The following NTRK2 variants were observed in gnomAD, a reference collection of about 807,000 sequenced individuals.
NTRK2 encodes BDNF/NT-3 growth factors receptor.
NTRK2 carries 13 observed loss-of-function variants against 94.5 expected under a neutral mutation model. The observed-to-expected ratio is 0.14, with a 90% CI of 0.09 to 0.22. NTRK2 has a LOEUF of 0.22. Among genes scored for constraint, NTRK2 ranks in the 10% least tolerant of loss-of-function variants. The pLI, the probability that NTRK2 is intolerant of heterozygous loss-of-function variation, is 1.00. For missense variants in NTRK2, 639 were observed against 1,071.2 expected (o/e 0.60, Z 5.63); for synonymous variants, 372 against 407.4 (o/e 0.91, Z 1.05).
chr9:84,968,877 C>T (rs756059713), intron 17 of NTRK2, among the ~76,000 whole-genome samples: 2 of 152,160 alleles, frequency 1.3e-5, no homozygotes, highest in Non-Finnish European at 2.9e-5. Context: ...TGCAAGGATG[C>T]TCTATTGAGT....
At chr9:84,719,875 T>C (rs990541932) in intron 6 of NTRK2, among the ~76,000 whole-genome samples, 1 of 151,568 alleles carries the variant, frequency 6.6e-6, no homozygotes, top group African/African-American at 2.4e-5. Context: ...AAAAAATTAG[T>C]CAGGGGTGGT....
chr9:85,008,343 A>G (rs1831192995), intron 17 of NTRK2, among the ~76,000 whole-genome samples: 1 of 151,758 alleles, frequency 6.6e-6, no homozygotes, highest in Non-Finnish European at 1.5e-5. Flanking sequence ...AGCACTAACT[A>G]TAGGTTGGTG....
chr9:85,018,602 C>T (rs536643947), intron 17 of NTRK2, among the ~76,000 whole-genome samples: 3 of 152,336 alleles, frequency 2.0e-5, no homozygotes, highest in African/African-American at 2.4e-5. Flanking sequence ...AAGTCCTGGG[C>T]ACCTGGGGGT....
intron 12 of NTRK2, among the ~76,000 whole-genome samples, chr9:84,788,418 G>A (rs1030706840): frequency 6.6e-5 from 10 of 152,200 alleles, no homozygotes; most frequent in African/African-American, 2.4e-4. Context: ...CACCTGGTGA[G>A]TTTGCTGAAA....
chr9:84,886,159 A>G (rs2076406406), intron 14 of NTRK2, among the ~76,000 whole-genome samples: 1 of 152,248 alleles, frequency 6.6e-6, no homozygotes, highest in Non-Finnish European at 1.5e-5. Context: ...TGTGACCAGT[A>G]TAAATATATG....
chr9:84,766,990 A>G (rs889001560), intron 12 of NTRK2, among the ~76,000 whole-genome samples: 2 of 152,026 alleles, frequency 1.3e-5, no homozygotes, highest in African/African-American at 2.4e-5. Flanking sequence ...CATAGTGTAC[A>G]CTCCTGGCAT....
At chr9:84,781,569 AT>A (rs2067570401) in intron 12 of NTRK2, among the ~76,000 whole-genome samples, 1 of 152,180 alleles carries the variant, frequency 6.6e-6, no homozygotes, top group Non-Finnish European at 1.5e-5. Flanking sequence ...TCAGTATAAC[AT>A]TCTTAACTTT....
In NTRK2 at chr9:84,758,126, TTA is replaced by T. The variant is rs755417471; in HGVS notation, c.1396+6053_1396+6054del. On this transcript the variant is annotated intron_variant, in intron 12 of 18. Transcript: ENST00000277120. ...TTGAGTTATAGATATACTTTGCCAA[TTA>T]TATATATATATTTATTTATTCATGA... is the stretch of plus-strand genomic sequence containing the variant. Among the ~76,000 whole-genome samples, 29 of 151,332 alleles carry T rather than the reference TTA, an allele frequency of 1.9e-4. No homozygotes were observed. The East Asian group carries it at 5.4e-3, about 28-fold the overall frequency.
intron 17 of NTRK2, among the ~76,000 whole-genome samples, chr9:84,968,392 G>A (rs1348167572): frequency 1.3e-5 from 2 of 152,196 alleles, no homozygotes; most frequent in Admixed American, 1.3e-4. Flanking sequence ...ACTGTGCAGA[G>A]CAAAGTTCTA....
intron 15 of NTRK2, among the ~76,000 whole-genome samples, chr9:84,935,679 G>C (rs923821333): frequency 1.3e-5 from 2 of 152,126 alleles, no homozygotes; most frequent in Non-Finnish European, 1.5e-5. Context: ...GGGTGAATGG[G>C]GTAGAAGGTG....
intron 14 of NTRK2, among the ~76,000 whole-genome samples, chr9:84,909,558 G>GA (rs1357143188): frequency 6.6e-6 from 1 of 151,950 alleles, no homozygotes; most frequent in Non-Finnish European, 1.5e-5. Flanking sequence ...AGCAATGTAT[G>GA]AGTGATCCTG....
chr9:84,710,557 ATGT>A, intron 5 of NTRK2, 77 bp from the exon 6 acceptor site: 1 of 1,432,532 alleles, frequency 7.0e-7, no homozygotes, highest in Admixed American at 1.7e-5. Context: ...AGAATTCATA[ATGT>A]TGTAGTATTT....
At chr9:84,982,202 G>A (rs1416941736) in intron 17 of NTRK2, among the ~76,000 whole-genome samples, 2 of 152,132 alleles carry the variant, frequency 1.3e-5, no homozygotes, top group Non-Finnish European at 2.9e-5. Flanking sequence ...CTTTAGCTAG[G>A]GTTGCTTTTA....
Position 85,025,001 on chromosome 9 carries a change from T to C in NTRK2, c.*3564T>C, listed in dbSNP as rs534833915. ...GTATAAATTTATAGGCACACAATAA[T>C]AGAGGTAATTATAAGTAGGATGCGG... On this transcript the variant is annotated 3_prime_UTR_variant, in exon 19 of 19. Coordinates refer to ENST00000277120, the MANE Select transcript of NTRK2 (RefSeq NM_006180.6). 2.5e-4 allele frequency: 59 copies of C among 233,122 alleles called. No individual in the cohort carries two copies. Among genetic ancestry groups the C allele is most frequent in the African/African-American group, 1.2e-3 (53 of 45,474 alleles). 14.4% of individuals were successfully genotyped at this position (233,122 alleles called of 1,614,324 possible).
rs376268012 is a variant in NTRK2 at position 84,875,910 on chromosome 9, G to T, written c.1633+8479G>T. On this transcript the variant is annotated intron_variant, in intron 14 of 18. Transcript: ENST00000277120. ...ATTAAGTTTAAGAGATTATAAAAAT[G>T]AGTTCAAATGAATAAGTTCCTGTGA... is the stretch of plus-strand genomic sequence containing the variant. The T allele has an allele frequency of 4.8e-6, 5 of 1,036,594 alleles. No individual in the cohort carries two copies. In the African/African-American group the frequency reaches 8.4e-5, roughly 17 times the overall value. The allele number at this position is 1,036,594 out of a possible 1,614,324, so 64.2% of individuals were successfully genotyped here. A position where few individuals can be genotyped will look rare whatever the true frequency, so the allele number is the denominator to read the frequency against.
intron 14 of NTRK2, among the ~76,000 whole-genome samples, chr9:84,927,723 A>C (rs1432670701): frequency 6.6e-6 from 1 of 152,074 alleles, no homozygotes; most frequent in Non-Finnish European, 1.5e-5. Flanking sequence ...TTGTTTCCTT[A>C]GTTTGAAAAT....
rs573855009 is a variant in NTRK2 at position 84,974,272 on chromosome 9, AG to A, written c.2172+18756del. Among the ~76,000 whole-genome samples, 409 of 152,354 alleles carry A rather than the reference AG, an allele frequency of 2.7e-3. 2 individuals carry two copies. The highest frequency in any genetic ancestry group is 9.2e-3 in the African/African-American group (382 of 41,576). On this transcript the variant is annotated intron_variant, in intron 17 of 18. Transcript: ENST00000277120. Reference sequence around the variant, plus strand: ...CTATAGACTAATATTACCTGTGTAGAGCCAGGGCCTCTCCTCATAACAAATA... The same window carrying A: ...CTATAGACTAATATTACCTGTGTAGACCAGGGCCTCTCCTCATAACAAATA...
chr9:85,003,576 C>A (rs916650972), intron 17 of NTRK2, among the ~76,000 whole-genome samples: 2 of 152,058 alleles, frequency 1.3e-5, no homozygotes, highest in Non-Finnish European at 2.9e-5. Context: ...CAGGTAGGAA[C>A]TGAGGGGTCC....
intron 12 of NTRK2, among the ~76,000 whole-genome samples, chr9:84,797,516 T>A (rs2069480408): frequency 2.8e-5 from 3 of 106,358 alleles, no homozygotes; most frequent in African/African-American, 1.2e-4. Flanking sequence ...TAATTACTAT[T>A]ATTATTACTA....
Sources: gnomAD v4.1 joint callset for allele counts (sites outside exome capture counted in the v4.1 genomes callset) on GRCh38, gnomAD v4.1.1 for gene constraint, MANE v1.5 for transcripts, NCBI Gene and HGNC (gene_info 2026-07-23, HGNC 2026-07-21) for gene names.